Variants in SAMD4A observed in about 807,000 individuals in gnomAD.
SAMD4A encodes protein Smaug homolog 1.
Under a neutral mutation model 81.3 loss-of-function variants are expected in SAMD4A, and 33 were observed. The observed-to-expected ratio is 0.41, with a 90% CI of 0.31 to 0.54. The LOEUF is 0.54. Ranked by LOEUF, SAMD4A falls within the 20% of genes least tolerant of loss-of-function variation. The probability of loss-of-function intolerance (pLI) is 0.37; values close to 1 mark genes in which losing one functional copy is unlikely to be tolerated. For synonymous variants in SAMD4A, 389 were observed against 382.1 expected (o/e 1.02, Z -0.21); for missense variants, 854 against 951.1 (o/e 0.90, Z 1.34).
chr14:54,682,311 C>T (rs942621909), intron 2 of SAMD4A, among the ~76,000 whole-genome samples: 1 of 152,204 alleles, frequency 6.6e-6, no homozygotes, highest in Non-Finnish European at 1.5e-5. Flanking sequence ...CATTTTCACT[C>T]CTCTGAGGCC....
At chr14:54,776,579 G>A in intron 11 of SAMD4A, 39 bp downstream of exon 11, 2 of 1,490,900 alleles carry the variant, frequency 1.3e-6, no homozygotes, top group Non-Finnish European at 1.8e-6. Flanking sequence ...ACACAGAGGG[G>A]AGGCCAAAAT....
intron 2 of SAMD4A, among the ~76,000 whole-genome samples, chr14:54,585,047 C>G (rs2033577547): frequency 6.6e-6 from 1 of 152,094 alleles, no homozygotes; most frequent in Non-Finnish European, 1.5e-5. Flanking sequence ...ACAAATTTTT[C>G]TTACACAAAT....
intron 11 of SAMD4A, among the ~76,000 whole-genome samples, chr14:54,781,438 G>A (rs1254817436): frequency 6.6e-6 from 1 of 152,224 alleles, no homozygotes; most frequent in Non-Finnish European, 1.5e-5. Flanking sequence ...CTCCATACGT[G>A]TGGGACTTCT....
intron 2 of SAMD4A, chr14:54,687,878 C>T: frequency 6.3e-6 from 5 of 794,680 alleles, no homozygotes; most frequent in Non-Finnish European, 7.6e-6. Context: ...CAAATCAGGG[C>T]CACGTGTCCC....
At chr14:54,759,569 C>A (rs1409459065) in intron 6 of SAMD4A, among the ~76,000 whole-genome samples, 1 of 152,220 alleles carries the variant, frequency 6.6e-6, no homozygotes, top group Non-Finnish European at 1.5e-5. Flanking sequence ...ACCCTAAAGG[C>A]AATGAGGCAG....
chr14:54,745,648 T>C (rs1046356956), intron 4 of SAMD4A, among the ~76,000 whole-genome samples: 7 of 152,254 alleles, frequency 4.6e-5, no homozygotes, highest in African/African-American at 1.4e-4. Flanking sequence ...GCAATAAATG[T>C]TGAATGAGCA....
chr14:54,684,367 C>T (rs2036199702), intron 2 of SAMD4A, among the ~76,000 whole-genome samples: 1 of 152,210 alleles, frequency 6.6e-6, no homozygotes, highest in Non-Finnish European at 1.5e-5. Flanking sequence ...AGTTTCAACA[C>T]ACTTTAAAAT....
chr14:54,711,277 A>C (rs1257271736), intron 3 of SAMD4A, among the ~76,000 whole-genome samples: 2 of 152,166 alleles, frequency 1.3e-5, no homozygotes, highest in African/African-American at 4.8e-5. Flanking sequence ...CTCCTTTTTG[A>C]CTTATTTGAC....
chr14:54,683,964 A>G (rs1402235020), intron 2 of SAMD4A, among the ~76,000 whole-genome samples: 2 of 152,216 alleles, frequency 1.3e-5, no homozygotes, highest in Non-Finnish European at 2.9e-5. Flanking sequence ...TCCAAAGTCA[A>G]TCCATTACTG....
chr14:54,754,915 C>G (rs771445110), intron 6 of SAMD4A: 14 of 896,392 alleles, frequency 1.6e-5, no homozygotes, highest in Admixed American at 6.2e-5. Flanking sequence ...ATACATGGTT[C>G]CTGCAATGGG....
intron 2 of SAMD4A, among the ~76,000 whole-genome samples, chr14:54,597,420 A>G (rs2033939507): frequency 6.6e-6 from 1 of 151,638 alleles, no homozygotes; most frequent in Non-Finnish European, 1.5e-5. Context: ...GATTACAGGC[A>G]TGCGCCACCA....
rs1233609905 is a variant in SAMD4A at position 54,721,432 on chromosome 14, T to A, written c.716-15592T>A. 2.0e-5 allele frequency among the ~76,000 whole-genome samples: 3 copies of A among 152,170 alleles called. No individual in the cohort carries two copies. In the South Asian group the frequency reaches 6.2e-4, roughly 32 times the overall value. On this transcript the variant is annotated intron_variant, in intron 3 of 12. Coordinates refer to ENST00000554335, the MANE Select transcript of SAMD4A (RefSeq NM_015589.6). ...GCTACTTAGAGCCATTGATTTTAAG[T>A]GGGGATAAATCTGTCTCTCTTAAAT...
At chr14:54,768,706 C>T (rs2038624178) in intron 8 of SAMD4A, among the ~76,000 whole-genome samples, 1 of 152,212 alleles carries the variant, frequency 6.6e-6, no homozygotes, top group South Asian at 2.1e-4. Flanking sequence ...ATGAGAGGGA[C>T]TGTGGAGGAG....
Position 54,737,096 on chromosome 14 carries a change from A to G in SAMD4A, c.788A>G (p.Asn263Ser), listed in dbSNP as rs535592678. 57 of 1,613,372 alleles carry G rather than the reference A, an allele frequency of 3.5e-5. No individual in the cohort carries two copies. In the Middle Eastern group the frequency reaches 9.9e-4, roughly 28 times the overall value. Residue 263 changes from asparagine to serine, a missense_variant, in exon 4 of 13, where the codon AAC (asparagine) becomes AGC (serine). By Grantham distance (46) the Asn-to-Ser change is conservative. Coordinates refer to ENST00000554335, the MANE Select transcript of SAMD4A (RefSeq NM_015589.6). The part of the protein sequence containing the change: ...VSLTPPMNVP[N>S]QPLGHGWMSH... ...CTTACCCCACCCATGAATGTGCCAAACCAGCCTCTAGGACATGGATGGATG... is the reference window on the plus strand; with the variant it reads ...CTTACCCCACCCATGAATGTGCCAAGCCAGCCTCTAGGACATGGATGGATG...
intron 2 of SAMD4A, among the ~76,000 whole-genome samples, chr14:54,568,728 TATATATATATATAA>T (rs1444875184): frequency 7.6e-6 from 1 of 131,104 alleles, no homozygotes; most frequent in Non-Finnish European, 1.6e-5. Flanking sequence ...TATATATATA[TATATATATATATAA>T]TGCGGTTAAG....
chr14:54,779,077 C>G (rs1286409327), intron 11 of SAMD4A, among the ~76,000 whole-genome samples: 1 of 152,238 alleles, frequency 6.6e-6, no homozygotes, highest in Admixed American at 6.5e-5. Context: ...GTCATAGAGT[C>G]AGGGTCCTCA....
chr14:54,702,736 T>A (rs1225990369), intron 3 of SAMD4A, 156 bp downstream of exon 3: 8 of 821,418 alleles, frequency 9.7e-6, no homozygotes, highest in Non-Finnish European at 1.5e-5. Context: ...GGACCCCATA[T>A]TTGTTGCTCT....
intron 2 of SAMD4A, among the ~76,000 whole-genome samples, chr14:54,690,302 A>G (rs2036399233): frequency 6.6e-6 from 1 of 152,104 alleles, no homozygotes; most frequent in African/African-American, 2.4e-5. Flanking sequence ...CAGGAGGGGG[A>G]GGGTTCAGAT....
intron 3 of SAMD4A, among the ~76,000 whole-genome samples, chr14:54,713,674 C>T (rs926788965): frequency 3.9e-5 from 6 of 152,166 alleles, no homozygotes; most frequent in African/African-American, 9.7e-5. Flanking sequence ...AAAAGCCCAG[C>T]AAAACCCATA....
Sources: gnomAD v4.1 joint callset for allele counts (sites outside exome capture counted in the v4.1 genomes callset) on GRCh38, gnomAD v4.1.1 for gene constraint, MANE v1.5 for transcripts, NCBI Gene and HGNC (gene_info 2026-07-23, HGNC 2026-07-21) for gene names.